Variants in CST5 observed in about 807,000 individuals in gnomAD.
CST5 encodes cystatin-D.
In CST5, 13 loss-of-function variants were observed where a neutral mutation model predicts 11.5. The observed-to-expected ratio is 1.13, with a 90% CI of 0.73 to 1.79. The LOEUF is 1.79. Ranked by LOEUF, CST5 falls within the 40% of genes most tolerant of loss-of-function variation. CST5 has a pLI of 0.00. For synonymous variants in CST5, 81 were observed against 67.6 expected (o/e 1.20, Z -0.97); for missense variants, 219 against 174.5 (o/e 1.25, Z -1.44).
chr20:23,877,947 C>A (rs1269497511), intron 1 of CST5, among the ~76,000 whole-genome samples: 1 of 152,206 alleles, frequency 6.6e-6, no homozygotes, highest in African/African-American at 2.4e-5. Flanking sequence ...GGGAACCAGC[C>A]AGGGTGGGAC....
chr20:23,878,690 T>A (rs1056028391), intron 1 of CST5, among the ~76,000 whole-genome samples: 1 of 152,158 alleles, frequency 6.6e-6, no homozygotes, highest in African/African-American at 2.4e-5. Flanking sequence ...TGGTCTGGAC[T>A]CCTCTGACTT....
chr20:23,879,422 C>A lies in CST5; in HGVS notation c.231+24G>T, dbSNP rs760960832. On this transcript the variant is annotated intron_variant, in intron 1 of 2. Coordinates refer to ENST00000304710, the MANE Select transcript of CST5 (RefSeq NM_001900.5). The stretch of plus-strand genomic sequence containing the variant: ...AAAAAACCCAGCTGGGACTCAGGAC[C>A]CCCAGGGTGGTGGTAGCACGCACCT... The A allele has an allele frequency of 1.5e-5, 24 of 1,596,434 alleles. No homozygotes were observed. The South Asian group carries it at 2.4e-4, about 16-fold the overall frequency.
At position 23,879,427 on chromosome 20, in the gene CST5, G is replaced by A. The variant is rs369788479; in HGVS notation, c.231+19C>T. 6.3e-7 allele frequency: 1 copy of A among 1,596,058 alleles called. No individual in the cohort carries two copies. The highest frequency in any genetic ancestry group is 1.3e-5 in the African/African-American group (1 of 74,676). ...ACCCAGCTGGGACTCAGGACCCCCA[G>A]GGTGGTGGTAGCACGCACCTGCTGG... On this transcript the variant is annotated intron_variant, in intron 1 of 2. Coordinates refer to ENST00000304710, the MANE Select transcript of CST5 (RefSeq NM_001900.5).
chr20:23,876,373 G>T, intron 2 of CST5, 102 bp from the exon 3 acceptor site: 1 of 920,014 alleles, frequency 1.1e-6, no homozygotes, highest in Non-Finnish European at 1.7e-6. Context: ...GGTTGGAGAT[G>T]AGACACTGCC....
chr20:23,877,459 A>G, intron 2 of CST5, 46 bp downstream of exon 2: 3 of 1,433,716 alleles, frequency 2.1e-6, no homozygotes, highest in Non-Finnish European at 2.9e-6. Flanking sequence ...ACATGCACAC[A>G]CTGCTCTGCG....
rs181098256 is a variant in CST5 at position 23,876,983 on chromosome 20, T to C, written c.345+522A>G. On this transcript the variant is annotated intron_variant, in intron 2 of 2. Transcript: ENST00000304710. ...AAAGCAGGCAGAGTTGACCTCCCAG[T>C]AACCATTACCAAGCTAAAGTCTTCC... 1.2e-4 allele frequency among the ~76,000 whole-genome samples: 18 copies of C among 152,192 alleles called. No homozygotes were observed. The East Asian group carries it at 3.5e-3, about 29-fold the overall frequency.
intron 1 of CST5, among the ~76,000 whole-genome samples, chr20:23,878,426 C>T (rs2122212279): frequency 6.6e-6 from 1 of 152,270 alleles, no homozygotes. Context: ...ATGAGGGACC[C>T]TGGGACCAGG....
intron 1 of CST5, among the ~76,000 whole-genome samples, chr20:23,877,983 T>C (rs1168402644): frequency 3.9e-5 from 6 of 152,164 alleles, no homozygotes; most frequent in African/African-American, 1.4e-4. Context: ...GCACCAGGCT[T>C]GCAGGGCAGG....
intron 2 of CST5, 40 bp downstream of exon 2, chr20:23,877,465 C>T (rs761797664): frequency 6.1e-6 from 9 of 1,476,486 alleles, no homozygotes; most frequent in African/African-American, 1.4e-5. Flanking sequence ...ACACACTGCT[C>T]TGCGGTACTT....
At chr20:23,877,448 C>T in intron 2 of CST5, 57 bp downstream of exon 2, 1 of 1,318,702 alleles carries the variant, frequency 7.6e-7, no homozygotes, top group South Asian at 1.2e-5. Flanking sequence ...TACACACACA[C>T]ACATGCACAC....
rs372143429 is a variant in CST5, at chr20:23,879,692, A to G, written c.-16T>C. ...GCCACATCATGTTCTACTGGGACAC[A>G]GAGCAAGGAGCTGGATCTCCCAGAG... is the stretch of plus-strand genomic sequence containing the variant. On this transcript the variant is annotated 5_prime_UTR_variant, in exon 1 of 3. Coordinates refer to ENST00000304710, the MANE Select transcript of CST5 (RefSeq NM_001900.5). The G allele has an allele frequency of 1.6e-5, 26 of 1,606,522 alleles. No individual in the cohort carries two copies. The highest frequency in any genetic ancestry group is 2.2e-5 in the Non-Finnish European group (26 of 1,174,456).
intron 1 of CST5, among the ~76,000 whole-genome samples, chr20:23,878,476 T>C (rs1041086954): frequency 3.3e-5 from 5 of 152,174 alleles, no homozygotes; most frequent in Non-Finnish European, 5.9e-5. Context: ...ACAAGTCCTG[T>C]AGAACCACAT....
intron 1 of CST5, 47 bp downstream of exon 1, chr20:23,879,399 A>C: frequency 6.6e-7 from 1 of 1,525,374 alleles, no homozygotes; most frequent in East Asian, 2.3e-5. Context: ...GGTGAGGCAA[A>C]AAACCCAGCT....
intron 1 of CST5, 54 bp downstream of exon 1, chr20:23,879,392 G>A (rs917442332): frequency 1.5e-6 from 2 of 1,371,804 alleles, no homozygotes; most frequent in African/African-American, 1.4e-5. Context: ...TCTGGGGGGT[G>A]AGGCAAAAAA....
chr20:23,876,524 G>A (rs1013799064), intron 2 of CST5, among the ~76,000 whole-genome samples: 9 of 152,148 alleles, frequency 5.9e-5, no homozygotes, highest in African/African-American at 1.2e-4. Flanking sequence ...CTGTCCCAGC[G>A]CAGCCCTATG....
rs770795424 is a variant in CST5 at position 23,877,597 on chromosome 20, A to G, written c.253T>C (p.Tyr85His). Reference protein sequence around the residue: ...YQQIVGGVNYYFNVKFGRTTC... With the variant: ...YQQIVGGVNYHFNVKFGRTTC... ...GTTCGACCGAACTTCACATTGAAGT[A>G]GTAGTTCACCCCACCCACGATCTAC... is the stretch of plus-strand genomic sequence containing the variant. Residue 85 changes from tyrosine to histidine, a missense_variant, in exon 2 of 3, where the codon TAC (tyrosine) becomes CAC (histidine). Transcript: ENST00000304710. 1.0e-5 allele frequency: 16 copies of G among 1,584,580 alleles called. No individual in the cohort carries two copies. Among genetic ancestry groups the G allele is most frequent in the Non-Finnish European group, 1.0e-5 (12 of 1,165,992 alleles).
Position 23,877,572 on chromosome 20 carries a change from GTTCGACCGAAC to G in CST5, c.267_277del (p.Lys89AsnfsTer17). On this transcript the variant is annotated frameshift_variant, in exon 2 of 3. Coordinates refer to ENST00000304710, the MANE Select transcript of CST5 (RefSeq NM_001900.5). LOFTEE classifies it high-confidence loss of function. Reference sequence around the variant, plus strand: ...GTTGGGCTGGGACTTGGTGCATGTGGTTCGACCGAACTTCACATTGAAGTAGTAGTTCACCC... The same window carrying G: ...GTTGGGCTGGGACTTGGTGCATGTGGTTCACATTGAAGTAGTAGTTCACCC... The G allele has an allele frequency of 6.2e-7, 1 of 1,613,706 alleles. No individual in the cohort carries two copies. The highest frequency in any genetic ancestry group is 8.5e-7 in the Non-Finnish European group (1 of 1,179,748).
intron 1 of CST5, among the ~76,000 whole-genome samples, chr20:23,878,389 C>T (rs927302219): frequency 3.9e-5 from 6 of 152,180 alleles, no homozygotes; most frequent in East Asian, 3.9e-4. Context: ...CAAAACATGA[C>T]TTGTCAGAAC....
Position 23,877,369 on chromosome 20 carries a change from A to C in CST5, c.345+136T>G, listed in dbSNP as rs961517015. 4 of 667,732 alleles carry C rather than the reference A, an allele frequency of 6.0e-6. No individual in the cohort carries two copies. The Admixed American group carries it at 1.1e-4, about 18-fold the overall frequency. 41.4% of individuals were successfully genotyped at this position (667,732 alleles called of 1,614,324 possible). On this transcript the variant is annotated intron_variant, in intron 2 of 2. Coordinates refer to ENST00000304710, the MANE Select transcript of CST5 (RefSeq NM_001900.5). ...TACATCCTTGCATACGTGGCCCCAC[A>C]AATATCTGCACACATGCACACATGC...
Sources: allele counts gnomAD v4.1 joint callset (sites outside exome capture counted in the v4.1 genomes callset), GRCh38; gene constraint gnomAD v4.1.1; transcripts MANE v1.5; gene names NCBI Gene and HGNC (gene_info 2026-07-23, HGNC 2026-07-21).